WDPCP: variants seen among roughly 807,000 people sequenced by gnomAD.
The protein encoded by WDPCP is WD repeat-containing and planar cell polarity effector protein fritz homolog.
A neutral mutation model predicts 93.1 loss-of-function variants in WDPCP; 71 were observed. The observed-to-expected ratio is 0.76, with a 90% confidence interval of 0.63 to 0.93. The LOEUF (loss-of-function observed/expected upper bound fraction) is 0.93, where lower values mean the gene tolerates loss of function less well. WDPCP is among the 40% of genes least tolerant of loss of function. The pLI, the probability that WDPCP is intolerant of heterozygous loss-of-function variation, is 0.00. For missense variants in WDPCP, 844 were observed against 887.4 expected, an observed-to-expected ratio of 0.95 and a Z score of 0.62; for synonymous variants, 315 against 315.0, an observed-to-expected ratio of 1.00 and a Z score of 0.00.
chr2:63,689,907 A>G (rs1233285749), intron 2 of WDPCP, among the ~76,000 whole-genome samples: 1 of 152,238 alleles, frequency 6.6e-6, no homozygotes, highest in African/African-American at 2.4e-5. Context: ...AGAAGCAATA[A>G]TAAAAGCCAT....
At chr2:63,630,858 C>A (rs947669161) in intron 3 of WDPCP, among the ~76,000 whole-genome samples, 2 of 152,072 alleles carry the variant, frequency 1.3e-5, no homozygotes, top group African/African-American at 4.8e-5. Context: ...ATAAAACAAA[C>A]CTCAACAAAT....
chr2:63,330,204 C>CA (rs1369642674), intron 12 of WDPCP, among the ~76,000 whole-genome samples: 3 of 152,168 alleles, frequency 2.0e-5, no homozygotes, highest in Non-Finnish European at 4.4e-5. Context: ...ACATTCCCCC[C>CA]AAGTGGTATC....
intron 2 of WDPCP, among the ~76,000 whole-genome samples, chr2:63,677,246 G>C (rs1473936257): frequency 6.6e-6 from 1 of 152,116 alleles, no homozygotes; most frequent in Non-Finnish European, 1.5e-5. Context: ...CAGAGCAAAA[G>C]TAAATCCTCT....
At chr2:63,394,465 G>A (rs1273724756) in intron 10 of WDPCP, among the ~76,000 whole-genome samples, 1 of 152,068 alleles carries the variant, frequency 6.6e-6, no homozygotes, top group Non-Finnish European at 1.5e-5. Context: ...CAGACATGGT[G>A]GAAAGCAGTT....
intron 17 of WDPCP, among the ~76,000 whole-genome samples, chr2:63,149,591 A>G (rs1425409307): frequency 1.3e-5 from 2 of 152,228 alleles, no homozygotes; most frequent in Non-Finnish European, 2.9e-5. Flanking sequence ...CTAACAGAAG[A>G]ATGAATAAAC....
At chr2:63,763,255 G>A (rs1307513294) in intron 2 of WDPCP, among the ~76,000 whole-genome samples, 1 of 152,100 alleles carries the variant, frequency 6.6e-6, no homozygotes, top group Non-Finnish European at 1.5e-5. Context: ...TGTGATCCCA[G>A]CACTTTGGGA....
intron 3 of WDPCP, chr2:63,599,484 C>T (rs1276774666): frequency 4.5e-6 from 2 of 444,636 alleles, no homozygotes; most frequent in Non-Finnish European, 7.5e-6. Context: ...TCTTAAAGGA[C>T]CAGAGGCTGG....
At chr2:63,713,305 A>G (rs1669289485) in intron 2 of WDPCP, among the ~76,000 whole-genome samples, 1 of 152,048 alleles carries the variant, frequency 6.6e-6, no homozygotes, top group Non-Finnish European at 1.5e-5. Context: ...CAAGGGCTGT[A>G]CCTCCCTTAC....
At chr2:63,264,944 A>G (rs1681974630) in intron 13 of WDPCP, among the ~76,000 whole-genome samples, 1 of 152,236 alleles carries the variant, frequency 6.6e-6, no homozygotes, top group African/African-American at 2.4e-5. Context: ...ACATGTATAA[A>G]TGAAGCATCT....
chr2:63,487,432 G>A lies in WDPCP; in HGVS notation c.208+15C>T, dbSNP rs1247808564. The stretch of plus-strand genomic sequence containing the variant: ...TTAGTTAATAAAAATTAATTGCACA[G>A]AATAGGTACTTTACCTGGTGGATCT... On this transcript the variant is annotated intron_variant, in intron 3 of 17. Transcript: ENST00000272321. 1.3e-6 allele frequency: 2 copies of A among 1,569,842 alleles called. No homozygotes were observed. The highest frequency in any genetic ancestry group is 1.8e-6 in the Non-Finnish European group (2 of 1,141,976).
intron 2 of WDPCP, among the ~76,000 whole-genome samples, chr2:63,720,358 G>A (rs1358930694): frequency 5.3e-5 from 8 of 151,268 alleles, no homozygotes; most frequent in East Asian, 1.9e-4. Context: ...CAGAGGTTGC[G>A]GCGAGCCGAG....
chr2:63,586,442 A>G (rs1460482447), intron 1 of WDPCP, among the ~76,000 whole-genome samples: 3 of 152,184 alleles, frequency 2.0e-5, no homozygotes, highest in Non-Finnish European at 4.4e-5. Context: ...CCACCTGGAG[A>G]TTCAAACTCA....
intron 11 of WDPCP, among the ~76,000 whole-genome samples, chr2:63,379,244 G>A (rs563538050): frequency 1.3e-5 from 2 of 152,190 alleles, no homozygotes; most frequent in African/African-American, 4.8e-5. Flanking sequence ...TTACCATAAT[G>A]GTGAGAGTAA....
chr2:63,265,236 T>C (rs1375949113), intron 13 of WDPCP, among the ~76,000 whole-genome samples: 1 of 151,970 alleles, frequency 6.6e-6, no homozygotes, highest in African/African-American at 2.4e-5. Context: ...TCAAGAAAAC[T>C]AAAAGTTGGT....
At chr2:63,265,041 G>C (rs1199646995) in intron 13 of WDPCP, among the ~76,000 whole-genome samples, 1 of 152,100 alleles carries the variant, frequency 6.6e-6, no homozygotes, top group African/African-American at 2.4e-5. Context: ...AAACATATAA[G>C]ATGCAGCAAA....
chr2:63,641,531 G>T lies in WDPCP; in HGVS notation n.488+9128C>A, dbSNP rs1468923211. ...TCACTGTAGTTTTGTTTTGCATTTT[G>T]CTGATGATCAGTGATATTGGGCACT... is the stretch of plus-strand genomic sequence containing the variant. On this transcript the variant is annotated intron_variant and non_coding_transcript_variant, in intron 3 of 4. Transcript: ENST00000467687. 3.9e-5 allele frequency among the ~76,000 whole-genome samples: 6 copies of T among 152,098 alleles called. No individual in the cohort carries two copies. In the East Asian group the frequency reaches 1.2e-3, roughly 29 times the overall value.
At chr2:63,357,649 C>A (rs1690120487) in intron 12 of WDPCP, among the ~76,000 whole-genome samples, 1 of 152,064 alleles carries the variant, frequency 6.6e-6, no homozygotes, top group Non-Finnish European at 1.5e-5. Context: ...TGCTTATACA[C>A]TGGGGGCAGG....
intron 3 of WDPCP, among the ~76,000 whole-genome samples, chr2:63,623,816 T>G (rs748643559): frequency 9.2e-5 from 14 of 152,288 alleles, no homozygotes; most frequent in Non-Finnish European, 1.9e-4. Context: ...GGACTTGAAC[T>G]TAGCTCTGGA....
intron 6 of WDPCP, among the ~76,000 whole-genome samples, chr2:63,452,719 A>G (rs1291918510): frequency 6.6e-6 from 1 of 152,246 alleles, no homozygotes; most frequent in East Asian, 1.9e-4. Flanking sequence ...TAACCAAAAC[A>G]GTATGGTACT....
Sources: gnomAD v4.1 joint callset for allele counts (sites outside exome capture counted in the v4.1 genomes callset) on GRCh38, gnomAD v4.1.1 for gene constraint, MANE v1.5 for transcripts, NCBI Gene and HGNC (gene_info 2026-07-23, HGNC 2026-07-21) for gene names.